The following DCDC2 variants were observed in gnomAD, a reference collection of about 807,000 sequenced individuals.
The protein encoded by DCDC2 is doublecortin domain-containing protein 2.
Under a neutral mutation model 50.2 loss-of-function variants are expected in DCDC2, and 40 were observed. The observed-to-expected ratio is 0.80, with a 90% CI of 0.62 to 1.04. DCDC2 has a LOEUF of 1.04. DCDC2 is among the 50% of genes least tolerant of loss of function. The pLI is 0.00. For synonymous variants in DCDC2, 234 were observed against 210.6 expected (o/e 1.11, Z -0.96); for missense variants, 570 against 581.9 (o/e 0.98, Z 0.21).
upstream of DCDC2, among the ~76,000 whole-genome samples, chr6:24,358,768 AT>A (rs1319956359): frequency 1.2e-4 from 11 of 93,312 alleles, no homozygotes; most frequent in South Asian, 1.6e-3. Flanking sequence ...TATATTATAT[AT>A]TTTTATATAT....
intron 1 of DCDC2, among the ~76,000 whole-genome samples, chr6:24,356,329 T>A (rs1397076504): frequency 6.6e-6 from 1 of 152,206 alleles, no homozygotes; most frequent in African/African-American, 2.4e-5. Context: ...ACCGTATGAT[T>A]CCATTTATAT....
At chr6:24,253,039 G>A (rs1448582067) in intron 7 of DCDC2, among the ~76,000 whole-genome samples, 1 of 152,152 alleles carries the variant, frequency 6.6e-6, no homozygotes, top group Non-Finnish European at 1.5e-5. Flanking sequence ...TGCAGCTAAA[G>A]CTGTGATAAG....
chr6:24,236,030 C>T (rs1370582720), intron 7 of DCDC2, among the ~76,000 whole-genome samples: 1 of 151,968 alleles, frequency 6.6e-6, no homozygotes, highest in African/African-American at 2.4e-5. Context: ...ATGCCCAAAG[C>T]AATTTAGACT....
chr6:24,265,624 A>G (rs763201243), intron 7 of DCDC2, among the ~76,000 whole-genome samples: 1 of 152,172 alleles, frequency 6.6e-6, no homozygotes, highest in Non-Finnish European at 1.5e-5. Flanking sequence ...GAAACTGTAC[A>G]AGTACATGGA....
At chr6:24,232,464 T>A (rs1475339419) in intron 7 of DCDC2, among the ~76,000 whole-genome samples, 1 of 152,164 alleles carries the variant, frequency 6.6e-6, no homozygotes, top group Non-Finnish European at 1.5e-5. Flanking sequence ...AATACTAAAG[T>A]GTAAGCCAGG....
At chr6:24,364,084 T>A in the DCDC2 span, among the ~76,000 whole-genome samples, 1 of 152,102 alleles carries the variant, frequency 6.6e-6, no homozygotes, top group Non-Finnish European at 1.5e-5. Context: ...TACAGCCCCT[T>A]ATCCCCCCAT....
the DCDC2 span, among the ~76,000 whole-genome samples, chr6:24,376,345 C>T: frequency 1.3e-5 from 2 of 152,158 alleles, no homozygotes; most frequent in African/African-American, 2.4e-5. Context: ...GGAGCAGAGT[C>T]GTCTTGGCAG....
intron 2 of DCDC2, among the ~76,000 whole-genome samples, chr6:24,312,452 T>C (rs1397079298): frequency 7.0e-6 from 1 of 142,430 alleles, no homozygotes; most frequent in Non-Finnish European, 1.5e-5. Context: ...GGCATTGTTA[T>C]ATAATAATAT....
At chr6:24,187,042 T>C (rs1035563027) in intron 8 of DCDC2, among the ~76,000 whole-genome samples, 2 of 152,118 alleles carry the variant, frequency 1.3e-5, no homozygotes, top group East Asian at 3.9e-4. Context: ...GTCTGCAGTG[T>C]TTTGTTATGG....
At chr6:24,229,289 T>C (rs1371610355) in intron 7 of DCDC2, among the ~76,000 whole-genome samples, 1 of 152,214 alleles carries the variant, frequency 6.6e-6, no homozygotes, top group Non-Finnish European at 1.5e-5. Context: ...CCTTGGCTCA[T>C]GGCCCCCATC....
At chr6:24,380,701 C>A in the DCDC2 span, among the ~76,000 whole-genome samples, 1 of 152,218 alleles carries the variant, frequency 6.6e-6, no homozygotes, top group East Asian at 1.9e-4. Context: ...AAAATCAGAA[C>A]CCCCGGGAGA....
Position 24,357,859 on chromosome 6 carries a change from G to A in DCDC2, c.-109C>T, listed in dbSNP as rs757640304. On this transcript the variant is annotated 5_prime_UTR_variant, in exon 1 of 10. Transcript: ENST00000378454. ...CGCGGGATCGCCTCCTGAAACGAAC[G>A]AGAAACTGACGAATCCACAGGTGAA... The A allele has an allele frequency of 1.3e-6, 2 of 1,585,694 alleles. No individual in the cohort carries two copies. Among genetic ancestry groups the A allele is most frequent in the South Asian group, 2.3e-5 (2 of 86,876 alleles).
intron 7 of DCDC2, among the ~76,000 whole-genome samples, chr6:24,260,771 CA>C (rs779443520): frequency 1.3e-5 from 2 of 152,174 alleles, no homozygotes; most frequent in African/African-American, 2.4e-5. Context: ...AAATCTCAAC[CA>C]TGCTGGGATA....
At chr6:24,251,155 G>C (rs990623550) in intron 7 of DCDC2, among the ~76,000 whole-genome samples, 4 of 152,150 alleles carry the variant, frequency 2.6e-5, no homozygotes, top group African/African-American at 9.7e-5. Flanking sequence ...ATCTCCAATA[G>C]CACTGGCTAA....
chr6:24,227,772 C>A (rs1321705001), intron 7 of DCDC2, among the ~76,000 whole-genome samples: 1 of 152,160 alleles, frequency 6.6e-6, no homozygotes, highest in Non-Finnish European at 1.5e-5. Context: ...ATCAGCTGAC[C>A]CTGCCTGACC....
intron 9 of DCDC2, among the ~76,000 whole-genome samples, chr6:24,176,681 G>A (rs1349906891): frequency 2.0e-5 from 3 of 152,042 alleles, no homozygotes; most frequent in African/African-American, 4.8e-5. Context: ...GTTATTATAC[G>A]TTAGACACCT....
At chr6:24,311,267 G>GCA (rs1759566094) in intron 2 of DCDC2, among the ~76,000 whole-genome samples, 1 of 152,110 alleles carries the variant, frequency 6.6e-6, no homozygotes, top group African/African-American at 2.4e-5. Flanking sequence ...AAATCATTTT[G>GCA]TCTGAACTTT....
chr6:24,233,835 T>C (rs1475036133), intron 7 of DCDC2, among the ~76,000 whole-genome samples: 3 of 152,206 alleles, frequency 2.0e-5, no homozygotes, highest in Non-Finnish European at 4.4e-5. Flanking sequence ...TCTTTGTATA[T>C]AGGATGGTGA....
At chr6:24,345,798 G>C (rs1760243862) in intron 2 of DCDC2, among the ~76,000 whole-genome samples, 1 of 152,178 alleles carries the variant, frequency 6.6e-6, no homozygotes, top group Non-Finnish European at 1.5e-5. Flanking sequence ...ATCAATAGCA[G>C]ATGAGGAAGA....
Sources: allele counts gnomAD v4.1 joint callset (sites outside exome capture counted in the v4.1 genomes callset), GRCh38; gene constraint gnomAD v4.1.1; transcripts MANE v1.5; gene names NCBI Gene and HGNC (gene_info 2026-07-23, HGNC 2026-07-21).